GIGYF2: variants seen among roughly 807,000 people sequenced by gnomAD.
GIGYF2 encodes the protein GRB10-interacting GYF protein 2.
Under a neutral mutation model 208.1 loss-of-function variants are expected in GIGYF2, and 25 were observed. The observed-to-expected ratio is 0.12, with a 90% CI of 0.09 to 0.17. GIGYF2 has a LOEUF of 0.17. GIGYF2 is among the 10% of genes least tolerant of loss of function. GIGYF2 has a pLI of 1.00. For synonymous variants in GIGYF2, 534 were observed against 543.8 expected, an observed-to-expected ratio of 0.98 and a Z score of 0.25; for missense variants, 1,302 against 1,579.4, an observed-to-expected ratio of 0.82 and a Z score of 2.98.
intron 9 of GIGYF2, 67 bp downstream of exon 9, chr2:232,787,396 T>G: frequency 7.4e-7 from 1 of 1,360,162 alleles, no homozygotes; most frequent in Non-Finnish European, 1.0e-6. Flanking sequence ...GAAATAGGGA[T>G]TAAATGAAAA....
intron 2 of GIGYF2, among the ~76,000 whole-genome samples, chr2:232,714,517 T>C (rs1379599198): frequency 2.0e-5 from 3 of 152,198 alleles, no homozygotes; most frequent in Non-Finnish European, 4.4e-5. Flanking sequence ...AAAAAAGAAC[T>C]TTTCTGAGGT....
chr2:232,834,034 G>A (rs1222283712), intron 22 of GIGYF2, among the ~76,000 whole-genome samples: 1 of 152,058 alleles, frequency 6.6e-6, no homozygotes, highest in Non-Finnish European at 1.5e-5. Context: ...GCTGAGGGAG[G>A]AAGGCAGAAG....
At chr2:232,845,634 T>G in intron 25 of GIGYF2, 98 bp from the exon 26 acceptor site, 1 of 1,036,922 alleles carries the variant, frequency 9.6e-7, no homozygotes, top group Non-Finnish European at 1.5e-6. Context: ...TTACTGGGCA[T>G]CCATCCAGTA....
intron 28 of GIGYF2, among the ~76,000 whole-genome samples, chr2:232,856,055 C>T (rs4973056): frequency 6.6e-6 from 1 of 151,670 alleles, no homozygotes; most frequent in East Asian, 2.0e-4. Flanking sequence ...CTCAGCCTCC[C>T]GAGTAGCTGG....
intron 21 of GIGYF2, among the ~76,000 whole-genome samples, chr2:232,829,096 A>G (rs1701339548): frequency 1.3e-5 from 2 of 152,222 alleles, no homozygotes; most frequent in African/African-American, 4.8e-5. Context: ...TCATCTTAAG[A>G]AAACAGATGC....
At chr2:232,747,023 A>T (rs1413858410) in intron 3 of GIGYF2, among the ~76,000 whole-genome samples, 2 of 152,190 alleles carry the variant, frequency 1.3e-5, no homozygotes, top group East Asian at 3.8e-4. Flanking sequence ...CTGCAGGTTT[A>T]TGCATTTTAT....
intron 3 of GIGYF2, among the ~76,000 whole-genome samples, chr2:232,743,602 C>T (rs1446644031): frequency 6.6e-6 from 1 of 152,178 alleles, no homozygotes; most frequent in Non-Finnish European, 1.5e-5. Context: ...CTATCATTCC[C>T]TTCTTTGTGT....
chr2:232,857,040 G>A lies in GIGYF2; in HGVS notation c.*180G>A. On this transcript the variant is annotated 3_prime_UTR_variant, in exon 29 of 29. Transcript: ENST00000373563. Reference sequence around the variant, plus strand: ...AAGATTCTTTAATCCATTTTTGTTGGTGAACATCTCAGACTATAGATAAGT... The same window carrying A: ...AAGATTCTTTAATCCATTTTTGTTGATGAACATCTCAGACTATAGATAAGT... The A allele has an allele frequency of 1.5e-6, 1 of 655,898 alleles. No individual in the cohort carries two copies. Among genetic ancestry groups the A allele is most frequent in the Non-Finnish European group, 2.8e-6 (1 of 360,176 alleles). The allele number at this position is 655,898 out of a possible 1,614,324, so 40.6% of individuals were successfully genotyped here. A position where few individuals can be genotyped will look rare whatever the true frequency, so the allele number is the denominator to read the frequency against.
At chr2:232,804,255 T>C (rs1700486804) in intron 14 of GIGYF2, among the ~76,000 whole-genome samples, 1 of 151,254 alleles carries the variant, frequency 6.6e-6, no homozygotes, top group Admixed American at 6.6e-5. Context: ...GTCTTTACCA[T>C]GTTAGTCTTT....
chr2:232,804,452 G>GT (rs1187885811), intron 14 of GIGYF2, among the ~76,000 whole-genome samples: 78 of 138,248 alleles, frequency 5.6e-4, no homozygotes, highest in Admixed American at 5.6e-3. Context: ...TTTGTTTTCT[G>GT]TTTTTTTGGG....
intron 21 of GIGYF2, among the ~76,000 whole-genome samples, chr2:232,821,956 T>TA (rs896256614): frequency 3.5e-5 from 5 of 143,724 alleles, no homozygotes; most frequent in African/African-American, 1.0e-4. Context: ...TTTTTTTTTT[T>TA]ACTGGACTCT....
At chr2:232,756,849 T>C (rs957079239) in intron 6 of GIGYF2, among the ~76,000 whole-genome samples, 2 of 152,234 alleles carry the variant, frequency 1.3e-5, no homozygotes, top group African/African-American at 4.8e-5. Context: ...TTACATATTT[T>C]TGTCTTGGAA....
intron 1 of GIGYF2, among the ~76,000 whole-genome samples, 191 bp downstream of exon 1, chr2:232,697,583 A>G (rs1416537970): frequency 2.6e-5 from 4 of 152,162 alleles, no homozygotes; most frequent in Admixed American, 6.5e-5. Context: ...GGGACAGGTC[A>G]GGTGCAGGGC....
At chr2:232,765,704 C>A in intron 8 of GIGYF2, 1 of 231,070 alleles carries the variant, frequency 4.3e-6, no homozygotes, top group South Asian at 5.0e-5. Context: ...CCGGTTCACT[C>A]AGCCCAGTGC....
chr2:232,786,113 CTT>C (rs1256922527), intron 8 of GIGYF2, among the ~76,000 whole-genome samples: 1 of 152,208 alleles, frequency 6.6e-6, no homozygotes, highest in African/African-American at 2.4e-5. Flanking sequence ...ACCAGGCTCT[CTT>C]TTGACATTAA....
At chr2:232,762,950 A>T (rs1425578849) in intron 8 of GIGYF2, among the ~76,000 whole-genome samples, 1 of 152,060 alleles carries the variant, frequency 6.6e-6, no homozygotes, top group Non-Finnish European at 1.5e-5. Context: ...TGAGCCCAAG[A>T]AGTCGAGGCT....
intron 2 of GIGYF2, among the ~76,000 whole-genome samples, chr2:232,731,739 G>A (rs576856996): frequency 9.4e-4 from 143 of 152,300 alleles, no homozygotes; most frequent in African/African-American, 3.3e-3. Context: ...CATTTGGAAT[G>A]TACCATAATT....
chr2:232,702,327 T>C (rs1394338792), intron 1 of GIGYF2, among the ~76,000 whole-genome samples: 1 of 151,772 alleles, frequency 6.6e-6, no homozygotes, highest in African/African-American at 2.4e-5. Flanking sequence ...TAATCCTAGC[T>C]TCTCGGGAGG....
chr2:232,766,473 A>C (rs1698968203), intron 8 of GIGYF2: 1 of 152,764 alleles, frequency 6.5e-6, no homozygotes, highest in Admixed American at 6.5e-5. Context: ...GTAAGTCTTC[A>C]ATACTACTTT....
Sources: gnomAD v4.1 joint callset for allele counts (sites outside exome capture counted in the v4.1 genomes callset) on GRCh38, gnomAD v4.1.1 for gene constraint, MANE v1.5 for transcripts, NCBI Gene and HGNC (gene_info 2026-07-23, HGNC 2026-07-21) for gene names.